VDAC1: variants seen among roughly 807,000 people sequenced by gnomAD.
VDAC1 encodes the protein voltage dependent anion channel 1, also known as non-selective voltage-gated ion channel VDAC1.
VDAC1 carries 10 observed loss-of-function variants against 34.7 expected under a neutral mutation model. The observed-to-expected ratio is 0.29, with a 90% confidence interval of 0.18 to 0.49. The LOEUF is 0.49. Among genes scored for constraint, VDAC1 ranks in the 20% least tolerant of loss-of-function variants. The pLI is 0.99. For synonymous variants in VDAC1, 130 were observed against 136.0 expected, an observed-to-expected ratio of 0.96 and a Z score of 0.30; for missense variants, 230 against 347.9, an observed-to-expected ratio of 0.66 and a Z score of 2.69.
chr5:133,993,634 C>G (rs970687289), intron 1 of VDAC1, among the ~76,000 whole-genome samples: 23 of 152,210 alleles, frequency 1.5e-4, no homozygotes, highest in Non-Finnish European at 3.2e-4. Context: ...AGTTTGGCAG[C>G]TCTTCACATG....
upstream of VDAC1, among the ~76,000 whole-genome samples, chr5:134,005,796 G>A (rs545930422): frequency 6.6e-6 from 1 of 152,328 alleles, no homozygotes; most frequent in East Asian, 1.9e-4. Flanking sequence ...AGCAGGTTTC[G>A]AGAATTAATT....
the VDAC1 span, among the ~76,000 whole-genome samples, chr5:134,086,606 C>T: frequency 1.3e-5 from 2 of 152,226 alleles, no homozygotes; most frequent in African/African-American, 4.8e-5. Context: ...CACCATTTTC[C>T]TCCTGTCCCA....
the VDAC1 span, among the ~76,000 whole-genome samples, chr5:134,034,408 T>C: frequency 6.6e-6 from 1 of 152,122 alleles, no homozygotes; most frequent in Non-Finnish European, 1.5e-5. Context: ...GGTGGGCCCC[T>C]AGCTCCAGTG....
the VDAC1 span, among the ~76,000 whole-genome samples, chr5:134,080,712 C>T: frequency 6.6e-6 from 1 of 152,278 alleles, no homozygotes; most frequent in East Asian, 1.9e-4. Context: ...AACAATATTC[C>T]TGGACATGGT....
chr5:134,067,292 C>T, the VDAC1 span, among the ~76,000 whole-genome samples: 2 of 151,804 alleles, frequency 1.3e-5, 1 homozygote, highest in South Asian at 4.2e-4. Flanking sequence ...TCAGGCTGGT[C>T]TTGAACTCTT....
chr5:134,074,399 G>T, the VDAC1 span, among the ~76,000 whole-genome samples: 1 of 152,040 alleles, frequency 6.6e-6, no homozygotes, highest in East Asian at 1.9e-4. Context: ...CATTAAACTT[G>T]GGAGCAAACA....
At chr5:134,049,299 G>A in the VDAC1 span, among the ~76,000 whole-genome samples, 1 of 152,092 alleles carries the variant, frequency 6.6e-6, no homozygotes, top group Admixed American at 6.5e-5. Flanking sequence ...TGTCTATGTT[G>A]CCCAGGATGG....
At chr5:134,031,292 C>T in the VDAC1 span, among the ~76,000 whole-genome samples, 1 of 151,650 alleles carries the variant, frequency 6.6e-6, no homozygotes, top group Non-Finnish European at 1.5e-5. Context: ...ATTAAATTTA[C>T]TTAGTTAAAA....
At chr5:134,045,972 A>G in the VDAC1 span, among the ~76,000 whole-genome samples, 1 of 148,292 alleles carries the variant, frequency 6.7e-6, no homozygotes, top group African/African-American at 2.5e-5. Flanking sequence ...GGCATGAGCC[A>G]CTGACCCCGG....
At chr5:134,019,946 G>A in the VDAC1 span, among the ~76,000 whole-genome samples, 1 of 152,102 alleles carries the variant, frequency 6.6e-6, no homozygotes, top group Admixed American at 6.6e-5. Flanking sequence ...TCTGACATGG[G>A]CAATGACAGG....
the VDAC1 span, among the ~76,000 whole-genome samples, chr5:134,081,111 T>C: frequency 6.6e-6 from 1 of 151,736 alleles, no homozygotes; most frequent in African/African-American, 2.4e-5. Context: ...GATCTCAGCT[T>C]ACTGCAACCT....
the VDAC1 span, among the ~76,000 whole-genome samples, chr5:134,035,678 T>C: frequency 2.0e-5 from 3 of 152,294 alleles, no homozygotes; most frequent in Admixed American, 2.0e-4. Context: ...AAATTCCAAC[T>C]AATAAATGCA....
the VDAC1 span, among the ~76,000 whole-genome samples, chr5:134,101,406 A>G: frequency 5.9e-5 from 9 of 152,168 alleles, no homozygotes; most frequent in Non-Finnish European, 1.0e-4. Flanking sequence ...CCCGGCCAAC[A>G]TGGTGAAACC....
chr5:134,056,223 A>G, the VDAC1 span, among the ~76,000 whole-genome samples: 2 of 136,914 alleles, frequency 1.5e-5, no homozygotes, highest in Admixed American at 1.6e-4. Flanking sequence ...CCTAGGCGAC[A>G]ACAGTGAAAC....
chr5:134,039,633 T>G, the VDAC1 span, among the ~76,000 whole-genome samples: 2 of 152,198 alleles, frequency 1.3e-5, no homozygotes. Flanking sequence ...CCGGCAGACG[T>G]GCGTAATTTT....
the VDAC1 span, among the ~76,000 whole-genome samples, chr5:134,069,096 AC>A: frequency 1.1e-3 from 162 of 150,508 alleles, 1 homozygote; most frequent in African/African-American, 3.7e-3. Flanking sequence ...CCACACAGCC[AC>A]CCCCCATGTT....
chr5:134,079,090 A>C, the VDAC1 span, among the ~76,000 whole-genome samples: 2 of 149,954 alleles, frequency 1.3e-5, no homozygotes, highest in African/African-American at 5.0e-5. Flanking sequence ...CTCCTCCCTC[A>C]GCCTCCAGAG....
At chr5:134,101,573 G>T in the VDAC1 span, among the ~76,000 whole-genome samples, 2 of 150,288 alleles carry the variant, frequency 1.3e-5, no homozygotes, top group African/African-American at 4.9e-5. Flanking sequence ...AAAAAAAAAA[G>T]AGTCCTGGCC....
At chr5:134,004,306 G>A (rs912985617) in intron 1 of VDAC1, among the ~76,000 whole-genome samples, 3 of 151,932 alleles carry the variant, frequency 2.0e-5, no homozygotes, top group Non-Finnish European at 4.4e-5. Flanking sequence ...GCGCCGCCGG[G>A]GAAGGTCACC....
Sources: allele counts gnomAD v4.1 joint callset (sites outside exome capture counted in the v4.1 genomes callset), GRCh38; gene constraint gnomAD v4.1.1; transcripts MANE v1.5; gene names NCBI Gene and HGNC (gene_info 2026-07-23, HGNC 2026-07-21).